Variants in HSPBAP1 observed in about 807,000 individuals in gnomAD.
HSPBAP1 encodes HSPB1 associated protein 1.
Under a neutral mutation model 45.2 loss-of-function variants are expected in HSPBAP1, and 27 were observed. The observed-to-expected ratio is 0.60, with a 90% confidence interval of 0.44 to 0.82. The LOEUF (loss-of-function observed/expected upper bound fraction) is 0.82. HSPBAP1 is among the 40% of genes least tolerant of loss of function. The pLI, the probability that HSPBAP1 is intolerant of heterozygous loss-of-function variation, is 0.00. For missense variants in HSPBAP1, 510 were observed against 590.9 expected, an observed-to-expected ratio of 0.86 and a Z score of 1.42; for synonymous variants, 204 against 202.7, an observed-to-expected ratio of 1.01 and a Z score of -0.06.
intron 1 of HSPBAP1, among the ~76,000 whole-genome samples, chr3:122,791,251 T>G (rs72968316): frequency 0.042 from 6,398 of 152,324 alleles, 442 homozygotes; most frequent in African/African-American, 0.14. Context: ...TTCCCTCACC[T>G]AAAGCTCTTT....
At chr3:122,752,380 G>C (rs1253942318) in intron 6 of HSPBAP1, among the ~76,000 whole-genome samples, 1 of 152,100 alleles carries the variant, frequency 6.6e-6, no homozygotes, top group Non-Finnish European at 1.5e-5. Context: ...TTAAAAGAAA[G>C]AGAGTGGCAC....
At chr3:122,746,893 G>A (rs1933885216) in intron 6 of HSPBAP1, among the ~76,000 whole-genome samples, 1 of 152,080 alleles carries the variant, frequency 6.6e-6, no homozygotes. Context: ...AACCGCGAGT[G>A]ATCTGCCAGC....
At chr3:122,771,348 A>T (rs889843884) in intron 2 of HSPBAP1, among the ~76,000 whole-genome samples, 2 of 152,168 alleles carry the variant, frequency 1.3e-5, no homozygotes, top group African/African-American at 2.4e-5. Context: ...TAATTTTACC[A>T]TGATTCTTTC....
chr3:122,785,348 A>C (rs1327832108), intron 1 of HSPBAP1, among the ~76,000 whole-genome samples: 1 of 152,118 alleles, frequency 6.6e-6, no homozygotes, highest in Non-Finnish European at 1.5e-5. Flanking sequence ...CTTCCTTGTA[A>C]AACCCAGTTT....
At chr3:122,752,950 C>T (rs1348126060) in intron 5 of HSPBAP1, 4 of 1,117,006 alleles carry the variant, frequency 3.6e-6, no homozygotes, top group Non-Finnish European at 4.4e-6. Flanking sequence ...AATCTTAGTA[C>T]ATGATTCTGA....
intron 3 of HSPBAP1, among the ~76,000 whole-genome samples, chr3:122,760,373 A>G (rs941578043): frequency 6.6e-6 from 1 of 151,930 alleles, no homozygotes; most frequent in Admixed American, 6.6e-5. Flanking sequence ...AAAAAAAAAA[A>G]CACCCCACTT....
At chr3:122,772,149 C>G (rs1935024879) in intron 2 of HSPBAP1, among the ~76,000 whole-genome samples, 1 of 152,100 alleles carries the variant, frequency 6.6e-6, no homozygotes. Flanking sequence ...AATCATTTTA[C>G]TGAGAGCCAA....
At chr3:122,753,469 G>C (rs1934233518) in intron 5 of HSPBAP1, 1 of 981,220 alleles carries the variant, frequency 1.0e-6, no homozygotes, top group African/African-American at 1.8e-5. Flanking sequence ...GTGGTATCGA[G>C]AGAGTCTGAG....
chr3:122,772,112 A>C (rs1481973856), intron 2 of HSPBAP1, among the ~76,000 whole-genome samples: 2 of 152,246 alleles, frequency 1.3e-5, no homozygotes, highest in African/African-American at 4.8e-5. Flanking sequence ...TATTTTAAGG[A>C]ATCTGTAGAC....
At chr3:122,780,838 C>CTA (rs1935430457) in intron 1 of HSPBAP1, among the ~76,000 whole-genome samples, 1 of 102,888 alleles carries the variant, frequency 9.7e-6, no homozygotes. Flanking sequence ...ACTTCTCAGA[C>CTA]GGGGCGGCCG....
intron 5 of HSPBAP1, 55 bp downstream of exon 5, chr3:122,755,205 G>C (rs1934303324): frequency 9.3e-6 from 13 of 1,390,734 alleles, no homozygotes; most frequent in East Asian, 2.6e-5. Context: ...GGACTTGAGA[G>C]AGTTACAGCT....
chr3:122,754,359 T>C (rs1006044045), intron 5 of HSPBAP1: 1 of 170,728 alleles, frequency 5.9e-6, no homozygotes, highest in Non-Finnish European at 1.2e-5. Flanking sequence ...GAATACATTA[T>C]GCTATGTGAA....
At chr3:122,747,981 C>T (rs565038936) in intron 6 of HSPBAP1, among the ~76,000 whole-genome samples, 2 of 152,168 alleles carry the variant, frequency 1.3e-5, no homozygotes, top group African/African-American at 4.8e-5. Context: ...CGGATGGTTG[C>T]CGTGTCTGTG....
chr3:122,776,903 C>G (rs1935208697), intron 2 of HSPBAP1, among the ~76,000 whole-genome samples: 1 of 152,138 alleles, frequency 6.6e-6, no homozygotes, highest in East Asian at 1.9e-4. Context: ...TTCTAGTTCT[C>G]CTAAGCTATT....
At position 122,740,002 on chromosome 3, in the gene HSPBAP1, G is replaced by C. The variant is rs1442199118; in HGVS notation, c.*343C>G. On this transcript the variant is annotated 3_prime_UTR_variant, in exon 8 of 8. Coordinates refer to ENST00000306103, the MANE Select transcript of HSPBAP1 (RefSeq NM_024610.6). ...ATATGTAAATGAATGGCATGGCCGT[G>C]TTCTAGTAAAATTTTATTTGCAAAA... is the stretch of plus-strand genomic sequence containing the variant. The C allele has an allele frequency of 5.9e-6, 1 of 168,204 alleles. No individual in the cohort carries two copies. The highest frequency in any genetic ancestry group is 1.7e-4 in the East Asian group (1 of 5,810). The allele number at this position is 168,204 out of a possible 1,614,324, so 10.4% of individuals were successfully genotyped here.
chr3:122,764,978 T>C (rs1261681269), intron 3 of HSPBAP1, among the ~76,000 whole-genome samples: 1 of 152,194 alleles, frequency 6.6e-6, no homozygotes, highest in Admixed American at 6.5e-5. Flanking sequence ...GGAAGATTAG[T>C]TGTAACATGT....
chr3:122,749,757 C>T (rs1056137254), intron 6 of HSPBAP1, among the ~76,000 whole-genome samples: 3 of 151,846 alleles, frequency 2.0e-5, no homozygotes, highest in Admixed American at 2.0e-4. Context: ...TACAGGCATG[C>T]GCCACCATGC....
intron 5 of HSPBAP1, chr3:122,752,961 G>T: frequency 1.8e-6 from 2 of 1,095,414 alleles, no homozygotes; most frequent in Non-Finnish European, 2.2e-6. Flanking sequence ...ATGATTCTGA[G>T]ATTCTAATTT....
chr3:122,768,663 A>C (rs779529311), intron 3 of HSPBAP1, 38 bp downstream of exon 3: 1 of 1,454,218 alleles, frequency 6.9e-7, no homozygotes, highest in Non-Finnish European at 9.6e-7. Context: ...TCTCAAAAAC[A>C]AATTCCTACC....
Sources: gnomAD v4.1 joint callset for allele counts (sites outside exome capture counted in the v4.1 genomes callset) on GRCh38, gnomAD v4.1.1 for gene constraint, MANE v1.5 for transcripts, NCBI Gene and HGNC (gene_info 2026-07-23, HGNC 2026-07-21) for gene names.